The following CCNJL variants were observed in gnomAD, a reference collection of about 807,000 sequenced individuals.
The protein encoded by CCNJL is cyclin-J-like protein.
Under a neutral mutation model 33.4 loss-of-function variants are expected in CCNJL, and 33 were observed. That is an observed-to-expected ratio of 0.99 (90% CI 0.75 to 1.32). The LOEUF (loss-of-function observed/expected upper bound fraction) is 1.32, where lower values mean the gene tolerates loss of function less well. CCNJL is among the 40% of genes most tolerant of loss of function. CCNJL has a pLI of 0.00. For synonymous variants in CCNJL, 227 were observed against 220.9 expected (o/e 1.03, Z -0.24); for missense variants, 512 against 499.7 (o/e 1.02, Z -0.23).
chr5:160,266,917 C>A (rs919669495), intron 3 of CCNJL, among the ~76,000 whole-genome samples: 1 of 152,184 alleles, frequency 6.6e-6, no homozygotes, highest in Non-Finnish European at 1.5e-5. Context: ...TGGCCTCCTG[C>A]TGGTGATTTC....
chr5:160,323,234 CA>C (rs536222136), intron 1 of CCNJL, among the ~76,000 whole-genome samples: 9,279 of 98,950 alleles, frequency 0.094, 286 homozygotes, highest in African/African-American at 0.15. Flanking sequence ...GACTCCAACT[CA>C]AAAAAAAAAA....
At chr5:160,305,530 G>A (rs553820455) in intron 2 of CCNJL, among the ~76,000 whole-genome samples, 51 of 152,326 alleles carry the variant, frequency 3.3e-4, no homozygotes, top group South Asian at 2.3e-3. Context: ...CGTCCATAGC[G>A]GCTGGCTTCT....
At chr5:160,269,314 G>A in intron 3 of CCNJL, 1 of 431,674 alleles carries the variant, frequency 2.3e-6, no homozygotes, top group South Asian at 1.7e-5. Context: ...GGGCCTGCGG[G>A]GTGGGGGCCA....
At chr5:160,318,190 T>C (rs1276166616) in intron 1 of CCNJL, among the ~76,000 whole-genome samples, 1 of 152,160 alleles carries the variant, frequency 6.6e-6, no homozygotes, top group African/African-American at 2.4e-5. Flanking sequence ...CTAATTTTTG[T>C]ATTTTTAGTA....
At chr5:160,304,208 A>G (rs974723301) in intron 2 of CCNJL, among the ~76,000 whole-genome samples, 1 of 152,228 alleles carries the variant, frequency 6.6e-6, no homozygotes, top group Admixed American at 6.5e-5. Context: ...TCTAAGACCT[A>G]AAAGACTCAA....
chr5:160,313,229 T>C (rs1229407193), upstream of CCNJL, among the ~76,000 whole-genome samples: 1 of 152,230 alleles, frequency 6.6e-6, no homozygotes, highest in Admixed American at 6.5e-5. Flanking sequence ...AAAGTCATCC[T>C]TTTGAGTCAG....
chr5:160,314,012 AC>A (rs372560776), upstream of CCNJL, among the ~76,000 whole-genome samples: 333 of 152,364 alleles, frequency 2.2e-3, 1 homozygote, highest in African/African-American at 7.7e-3. Flanking sequence ...TACTAAAAAT[AC>A]AAAAAATTAG....
intron 1 of CCNJL, among the ~76,000 whole-genome samples, chr5:160,318,270 G>A (rs1347378975): frequency 9.2e-5 from 14 of 152,108 alleles, no homozygotes; most frequent in Non-Finnish European, 1.8e-4. Context: ...ACCCACCTTG[G>A]CCTCCCAAAG....
At chr5:160,268,067 G>A (rs1761681394) in intron 3 of CCNJL, among the ~76,000 whole-genome samples, 1 of 152,208 alleles carries the variant, frequency 6.6e-6, no homozygotes, top group Admixed American at 6.5e-5. Flanking sequence ...TTAAAAAACA[G>A]AAACTCTCTT....
rs538634248 is a variant in CCNJL at position 160,280,585 on chromosome 5, A to C, written c.220T>G (p.Tyr74Asp). The change falls in exon 3 of 6, where the codon TAC becomes GAC. Residue 74 changes from tyrosine to aspartate, a missense_variant. By Grantham distance (160) the Tyr-to-Asp change is radical. Coordinates refer to ENST00000257536, the MANE Select transcript of CCNJL (RefSeq NM_001308173.3). ...VYLLDHFMDR[Y>D]NVTTSKQLYT... ...AGCTGCTTGGAGGTGGTGACGTTGT[A>C]GCGATCCATGAAGTGGTCCAGCAGG... 1.9e-6 allele frequency: 3 copies of C among 1,613,492 alleles called. No individual in the cohort carries two copies. In the African/African-American group the frequency reaches 4.0e-5, roughly 22 times the overall value.
At chr5:160,265,465 G>C (rs1318619056) in intron 3 of CCNJL, among the ~76,000 whole-genome samples, 2 of 152,050 alleles carry the variant, frequency 1.3e-5, no homozygotes, top group Non-Finnish European at 2.9e-5. Context: ...GTGAAACCCT[G>C]TCTCTACTAA....
chr5:160,282,998 T>TATAC (rs1762283789), intron 2 of CCNJL, among the ~76,000 whole-genome samples: 2 of 58,038 alleles, frequency 3.4e-5, no homozygotes, highest in African/African-American at 8.2e-5. Flanking sequence ...TATATATATA[T>TATAC]ATATATATAT....
intron 2 of CCNJL, among the ~76,000 whole-genome samples, chr5:160,282,478 C>T (rs1055611240): frequency 2.0e-5 from 3 of 152,118 alleles, no homozygotes; most frequent in East Asian, 1.9e-4. Flanking sequence ...AAACTTAAAA[C>T]ATTTATGCTT....
At chr5:160,311,831 G>A (rs762962945) in intron 2 of CCNJL, 27 bp downstream of exon 2, 5 of 1,606,798 alleles carry the variant, frequency 3.1e-6, no homozygotes, top group Admixed American at 1.7e-5. Flanking sequence ...CCAGTCTTGA[G>A]AGTGACAAGG....
Position 160,254,217 on chromosome 5 carries a change from C to G in CCNJL, c.744-419G>C, listed in dbSNP as rs1340293909. The G allele has an allele frequency of 3.8e-5, 20 of 525,124 alleles. No homozygotes were observed. In the East Asian group the frequency reaches 6.4e-4, roughly 17 times the overall value. The allele number at this position is 525,124 out of a possible 1,614,324, so 32.5% of individuals were successfully genotyped here. On this transcript the variant is annotated intron_variant, in intron 5 of 5. Coordinates refer to ENST00000257536, the MANE Select transcript of CCNJL (RefSeq NM_001308173.3). ...AGTGTTCCTGGGGCCTGAATGAGCC[C>G]AATCTCTGCTTTCCAGGCAATTCTG...
At chr5:160,280,862 T>G (rs1228262338) in intron 2 of CCNJL, 124 bp from the exon 3 acceptor site, 1 of 746,748 alleles carries the variant, frequency 1.3e-6, no homozygotes, top group East Asian at 2.7e-5. Flanking sequence ...CCCTTCTTAG[T>G]TTTCCTGCAA....
intron 3 of CCNJL, among the ~76,000 whole-genome samples, chr5:160,262,855 C>A (rs934976767): frequency 2.5e-4 from 38 of 152,322 alleles, no homozygotes; most frequent in African/African-American, 8.9e-4. Flanking sequence ...GTGGGGCTGG[C>A]CCCTTGTCCC....
At chr5:160,318,526 G>T (rs1244352193) in intron 1 of CCNJL, among the ~76,000 whole-genome samples, 1 of 152,256 alleles carries the variant, frequency 6.6e-6, no homozygotes, top group African/African-American at 2.4e-5. Context: ...AAAGATGAAT[G>T]ACCGGGGAAC....
At chr5:160,295,038 C>T (rs1171114715) in intron 2 of CCNJL, 2 of 152,306 alleles carry the variant, frequency 1.3e-5, no homozygotes, top group African/African-American at 4.8e-5. Flanking sequence ...CTTCCCTACC[C>T]ATCTACAGTC....
Sources: allele counts gnomAD v4.1 joint callset (sites outside exome capture counted in the v4.1 genomes callset), GRCh38; gene constraint gnomAD v4.1.1; transcripts MANE v1.5; gene names NCBI Gene and HGNC (gene_info 2026-07-23, HGNC 2026-07-21).